Variants in REM2 observed in about 807,000 individuals in gnomAD.
REM2 encodes the protein RRAD and GEM like GTPase 2.
In REM2, 24 loss-of-function variants were observed where a neutral mutation model predicts 24.4. The observed-to-expected ratio is 0.98, with a 90% CI of 0.71 to 1.38. The LOEUF (loss-of-function observed/expected upper bound fraction) is 1.38. Ranked by LOEUF, REM2 falls within the 40% of genes most tolerant of loss-of-function variation. The pLI is 0.00. For synonymous variants in REM2, 187 were observed against 198.0 expected, an observed-to-expected ratio of 0.94 and a Z score of 0.47; for missense variants, 429 against 467.8, an observed-to-expected ratio of 0.92 and a Z score of 0.77.
intron 1 of REM2, chr14:22,884,331 T>C (rs1326328706): frequency 1.0e-6 from 1 of 985,328 alleles, no homozygotes; most frequent in African/African-American, 1.7e-5. Context: ...AACTCCACCG[T>C]ACAGGGCCAG....
In REM2 at chr14:22,886,055, G is replaced by C. The variant is rs1179693523; in HGVS notation, c.551G>C (p.Cys184Ser). 1 of 1,613,982 alleles carries C rather than the reference G, an allele frequency of 6.2e-7. No individual in the cohort carries two copies. The highest frequency in any genetic ancestry group is 8.5e-7 in the Non-Finnish European group (1 of 1,179,872). Residue 184 changes from cysteine to serine, a missense_variant, in exon 4 of 5, where the codon TGC (cysteine) becomes TCC (serine). Transcript: ENST00000267396. This position sits in a 1 kb window ranked among gnomAD's most constrained non-coding sequence, Gnocchi z 5.9. The part of the protein sequence containing the change: ...GDAGGWLRDH[C>S]LQTGDAFLIV... ...GCAGGAGGGTGGCTGCGGGACCACTGCCTTCAGACCGGGGACGCCTTTCTC... is the reference window on the plus strand; with the variant it reads ...GCAGGAGGGTGGCTGCGGGACCACTCCCTTCAGACCGGGGACGCCTTTCTC...
Position 22,887,351 on chromosome 14 carries a change from T to A in REM2, c.*442T>A. The A allele has an allele frequency of 6.5e-6, 1 of 154,252 alleles. No homozygotes were observed. The highest frequency in any genetic ancestry group is 1.4e-5 in the Non-Finnish European group (1 of 69,394). The allele number at this position is 154,252 out of a possible 1,614,324, so 9.6% of individuals were successfully genotyped here. A position where few individuals can be genotyped will look rare whatever the true frequency, so the allele number is the denominator to read the frequency against. On this transcript the variant is annotated 3_prime_UTR_variant, in exon 5 of 5. Transcript: ENST00000267396. The stretch of plus-strand genomic sequence containing the variant: ...GTACGCTGCGTGAACATGCCTCACC[T>A]TTAAGAGAGTCTTAAAGGTAAAGAC...
At chr14:22,885,164 G>C in intron 2 of REM2, 102 bp from the exon 3 acceptor site, 1 of 1,368,658 alleles carries the variant, frequency 7.3e-7, no homozygotes, top group Non-Finnish European at 1.0e-6. Context: ...AGAGGGGCAG[G>C]GTTCCCTGGT....
Position 22,886,333 on chromosome 14 carries a change from T to C in REM2, c.727+102T>C. 1.9e-6 allele frequency: 2 copies of C among 1,064,934 alleles called. No homozygotes were observed. The highest frequency in any genetic ancestry group is 1.4e-6 in the Non-Finnish European group (1 of 712,798). 66.0% of individuals were successfully genotyped at this position (1,064,934 alleles called of 1,614,324 possible). A position where few individuals can be genotyped will look rare whatever the true frequency, so the allele number is the denominator to read the frequency against. On this transcript the variant is annotated intron_variant, in intron 4 of 4. Coordinates refer to ENST00000267396, the MANE Select transcript of REM2 (RefSeq NM_173527.3). This position sits in a 1 kb window ranked among gnomAD's most constrained non-coding sequence, Gnocchi z 5.9. ...GGCCTTTTTACCATCGCGGACGCAC[T>C]CACTTGCAATCAGACCCAGGCTAGG...
intron 3 of REM2, among the ~76,000 whole-genome samples, chr14:22,885,661 G>A (rs1334855262): frequency 6.6e-6 from 1 of 152,164 alleles, no homozygotes; most frequent in Non-Finnish European, 1.5e-5. Context: ...GATGTGACAA[G>A]ACAAGAGCTC....
At chr14:22,884,589 G>T in intron 1 of REM2, 85 bp from the exon 2 acceptor site, 1 of 1,478,464 alleles carries the variant, frequency 6.8e-7, no homozygotes, top group South Asian at 1.4e-5. Context: ...TCTGATACTG[G>T]AACAGCCTGG....
At chr14:22,883,590 G>T (rs2040089476) in intron 1 of REM2, among the ~76,000 whole-genome samples, 200 bp downstream of exon 1, 1 of 152,064 alleles carries the variant, frequency 6.6e-6, no homozygotes, top group Non-Finnish European at 1.5e-5. Context: ...CTGCCTAAAT[G>T]CCCCCTCCCC....
In REM2 at chr14:22,884,761, G is replaced by T. The variant is rs1184522785; in HGVS notation, c.191G>T (p.Arg64Ile). The T allele has an allele frequency of 2.5e-6, 4 of 1,613,894 alleles. No individual in the cohort carries two copies. In the African/African-American group the frequency reaches 5.3e-5, roughly 22 times the overall value. The change falls in exon 2 of 5, where the codon AGA (arginine) becomes ATA (isoleucine). Residue 64 changes from arginine to isoleucine, a missense_variant. Coordinates refer to ENST00000267396, the MANE Select transcript of REM2 (RefSeq NM_173527.3). ...TTACCCTCTGCCCCTGGGGCCCCCA[G>T]ACGAAGAGGCAGTATGCCTGTCCCC... ...SGLPSAPGAP[R>I]RRGSMPVPYK...
At position 22,885,102 on chromosome 14, in the gene REM2, G is replaced by A. The variant is rs571672699; in HGVS notation, c.445+87G>A. 121 of 1,432,862 alleles carry A rather than the reference G, an allele frequency of 8.4e-5. 2 individuals are homozygous for A. In the African/African-American group the frequency reaches 1.2e-3, roughly 14 times the overall value. 88.8% of individuals were successfully genotyped at this position (1,432,862 alleles called of 1,614,324 possible). A position where few individuals can be genotyped will look rare whatever the true frequency, so the allele number is the denominator to read the frequency against. On this transcript the variant is annotated intron_variant, in intron 2 of 4. Coordinates refer to ENST00000267396, the MANE Select transcript of REM2 (RefSeq NM_173527.3). The stretch of plus-strand genomic sequence containing the variant: ...GCTCGTGACCTGAGCAGCCCCTGAA[G>A]GACAGAGCTTAACAGAAGCTTTTCC...
At chr14:22,883,564 G>C (rs1382787043) in intron 1 of REM2, among the ~76,000 whole-genome samples, 174 bp downstream of exon 1, 1 of 152,170 alleles carries the variant, frequency 6.6e-6, no homozygotes, top group Non-Finnish European at 1.5e-5. Flanking sequence ...GGCTGGGCTA[G>C]GGTGGAGGGG....
Position 22,884,796 on chromosome 14 carries a change from C to A in REM2, c.226C>A (p.Gln76Lys). ...CAGTATGCCTGTCCCCTACAAGCAC[C>A]AGCTCCGGCGGGCCCAGGCTGTAGA... ...RGSMPVPYKH[Q>K]LRRAQAVDEL... The change falls in exon 2 of 5, where the codon CAG becomes AAG. Residue 76 changes from glutamine to lysine, a missense_variant. Gln to Lys is a moderately conservative substitution (Grantham distance 53). Coordinates refer to ENST00000267396, the MANE Select transcript of REM2 (RefSeq NM_173527.3). The A allele has an allele frequency of 6.2e-7, 1 of 1,614,040 alleles. No individual in the cohort carries two copies. Among genetic ancestry groups the A allele is most frequent in the Non-Finnish European group, 8.5e-7 (1 of 1,179,896 alleles).
intron 3 of REM2, 131 bp from the exon 4 acceptor site, chr14:22,885,893 A>G: frequency 1.5e-6 from 1 of 677,888 alleles, no homozygotes; most frequent in South Asian, 1.7e-5. Flanking sequence ...AGATTCTGCC[A>G]TTAACTAGCT....
Position 22,884,857 on chromosome 14 carries a change from G to A in REM2, c.287G>A (p.Gly96Asp). The change falls in exon 2 of 5, where the codon GGC (glycine) becomes GAC (aspartate). Residue 96 changes from glycine to aspartate, a missense_variant. By Grantham distance (94) the Gly-to-Asp change is moderately conservative. Transcript: ENST00000267396. ...TGGCCACCTCAGGCCTCATCCTCTG[G>A]CTCGTCTGACTCCTTGGGCTCAGGG... ...LDWPPQASSS[G>D]SSDSLGSGEA... 4 of 1,613,846 alleles carry A rather than the reference G, an allele frequency of 2.5e-6. No homozygotes were observed. Among genetic ancestry groups the A allele is most frequent in the Non-Finnish European group, 3.4e-6 (4 of 1,179,832 alleles).
intron 3 of REM2, among the ~76,000 whole-genome samples, chr14:22,885,604 AC>A (rs1469738165): frequency 9.9e-5 from 15 of 152,166 alleles, no homozygotes; most frequent in Non-Finnish European, 5.9e-5. Flanking sequence ...TAGGCTGGAC[AC>A]CCTGAAATTG....
intron 1 of REM2, 189 bp from the exon 2 acceptor site, chr14:22,884,485 C>T: frequency 2.0e-6 from 2 of 985,432 alleles, no homozygotes; most frequent in African/African-American, 3.5e-5. Flanking sequence ...ATGTCAACTC[C>T]AGTTCAGGCT....
At position 22,883,266 on chromosome 14, in the gene REM2, AC is replaced by A; in HGVS notation, c.-21del. 2 of 1,082,254 alleles carry A rather than the reference AC, an allele frequency of 1.8e-6. No individual in the cohort carries two copies. Among genetic ancestry groups the A allele is most frequent in the Non-Finnish European group, 2.7e-6 (2 of 733,330 alleles). 67.0% of individuals were successfully genotyped at this position (1,082,254 alleles called of 1,614,324 possible). A position where few individuals can be genotyped will look rare whatever the true frequency, so the allele number is the denominator to read the frequency against. On this transcript the variant is annotated 5_prime_UTR_variant, in exon 1 of 5. Transcript: ENST00000267396. ...GCGAGCTGCTGGGCTGCACACGCAC[AC>A]GCACACGCACACGCACACTGATGCA...
At chr14:22,885,838 T>G (rs1304756863) in intron 3 of REM2, among the ~76,000 whole-genome samples, 186 bp from the exon 4 acceptor site, 1 of 152,246 alleles carries the variant, frequency 6.6e-6, no homozygotes, top group Non-Finnish European at 1.5e-5. Flanking sequence ...TCTAGGATCC[T>G]CATATTACTA....
chr14:22,887,437 T>G lies in REM2; in HGVS notation c.*528T>G, dbSNP rs1014359674. 1 of 152,322 alleles carries G rather than the reference T, an allele frequency of 6.6e-6. No individual in the cohort carries two copies. Among genetic ancestry groups the G allele is most frequent in the Non-Finnish European group, 1.5e-5 (1 of 68,044 alleles). 9.4% of individuals were successfully genotyped at this position (152,322 alleles called of 1,614,324 possible). On this transcript the variant is annotated 3_prime_UTR_variant, in exon 5 of 5. Transcript: ENST00000267396. ...GTTCTGGCTCTCATCTGGTGCGGCA[T>G]GTGTCCACTTTGCCTTTAAGGAGTT...
rs997121681 is a variant in REM2, at chr14:22,887,100, A to G, written c.*191A>G. The G allele has an allele frequency of 2.3e-6, 1 of 436,164 alleles. No individual in the cohort carries two copies. Among genetic ancestry groups the G allele is most frequent in the Non-Finnish European group, 4.0e-6 (1 of 251,336 alleles). The allele number at this position is 436,164 out of a possible 1,614,324, so 27.0% of individuals were successfully genotyped here. On this transcript the variant is annotated 3_prime_UTR_variant, in exon 5 of 5. Coordinates refer to ENST00000267396, the MANE Select transcript of REM2 (RefSeq NM_173527.3). ...CGGCGGCACCTCCACACCCGCCCCAACGCGTTCTCTGGAGCTTTGGGCCTC... is the reference window on the plus strand; with the variant it reads ...CGGCGGCACCTCCACACCCGCCCCAGCGCGTTCTCTGGAGCTTTGGGCCTC...
Sources: allele counts gnomAD v4.1 joint callset (sites outside exome capture counted in the v4.1 genomes callset), GRCh38; gene constraint gnomAD v4.1.1; non-coding constraint Gnocchi (gnomAD v3.1); transcripts MANE v1.5; gene names NCBI Gene and HGNC (gene_info 2026-07-23, HGNC 2026-07-21).